UHRF2: variants seen among roughly 807,000 people sequenced by gnomAD.
UHRF2 encodes E3 ubiquitin-protein ligase UHRF2.
Under a neutral mutation model 96.8 loss-of-function variants are expected in UHRF2, and 23 were observed. That is an observed-to-expected ratio of 0.24 (90% confidence interval 0.17 to 0.34). The LOEUF (loss-of-function observed/expected upper bound fraction) is 0.34. UHRF2 is among the 10% of genes least tolerant of loss of function. The pLI, the probability that UHRF2 is intolerant of heterozygous loss-of-function variation, is 1.00. For missense variants in UHRF2, 685 were observed against 981.5 expected (o/e 0.70, Z 4.04); for synonymous variants, 385 against 332.6 (o/e 1.16, Z -1.72).
intron 6 of UHRF2, among the ~76,000 whole-genome samples, chr9:6,481,316 T>C (rs1486040910): frequency 3.9e-5 from 6 of 152,212 alleles, no homozygotes; most frequent in Admixed American, 3.3e-4. Flanking sequence ...GCTACTTTTG[T>C]TTTAATGACA....
chr9:6,462,294 C>T (rs925327368), intron 4 of UHRF2, among the ~76,000 whole-genome samples: 1 of 46,638 alleles, frequency 2.1e-5, no homozygotes, highest in East Asian at 6.1e-4. Flanking sequence ...TCTGGCTCTT[C>T]GTGGGAAAAG....
intron 6 of UHRF2, among the ~76,000 whole-genome samples, chr9:6,478,142 G>A (rs565753751): frequency 6.6e-6 from 1 of 152,296 alleles, no homozygotes; most frequent in African/African-American, 2.4e-5. Context: ...TTCTCCAGCA[G>A]TATCTCTTAC....
chr9:6,455,483 G>A (rs562610435), intron 3 of UHRF2, among the ~76,000 whole-genome samples: 1 of 152,150 alleles, frequency 6.6e-6, no homozygotes, highest in Non-Finnish European at 1.5e-5. Context: ...CTTTTTTATG[G>A]CTGCATAATA....
chr9:6,506,915 A>G lies in UHRF2; in HGVS notation c.*736A>G, dbSNP rs1322377834. 5.9e-5 allele frequency: 9 copies of G among 152,636 alleles called. No homozygotes were observed. The highest frequency in any genetic ancestry group is 5.2e-4 in the Admixed American group (8 of 15,280). The allele number at this position is 152,636 out of a possible 1,614,324, so 9.5% of individuals were successfully genotyped here. ...GTCGAACTGCTTTTAGTGTCTCACC[A>G]GTGGTTTTACATCTGCAGAGTTTTG... On this transcript the variant is annotated 3_prime_UTR_variant, in exon 16 of 16. Transcript: ENST00000276893.
chr9:6,502,149 A>G (rs747059626), intron 14 of UHRF2, among the ~76,000 whole-genome samples: 64 of 152,306 alleles, frequency 4.2e-4, no homozygotes, highest in Middle Eastern at 3.4e-3. Flanking sequence ...AAATAAATAC[A>G]TATGTGTATA....
chr9:6,426,523 G>C (rs1223591236), intron 2 of UHRF2, among the ~76,000 whole-genome samples: 2 of 152,128 alleles, frequency 1.3e-5, no homozygotes, highest in African/African-American at 2.4e-5. Context: ...CTTTTTGGGG[G>C]ATGAACCTTA....
intron 4 of UHRF2, among the ~76,000 whole-genome samples, chr9:6,473,562 G>C (rs1823379322): frequency 6.6e-6 from 1 of 152,112 alleles, no homozygotes; most frequent in Non-Finnish European, 1.5e-5. Context: ...TAAATAAATA[G>C]GTACTTCCTG....
At chr9:6,478,545 C>G (rs1345305387) in intron 6 of UHRF2, among the ~76,000 whole-genome samples, 9 of 152,134 alleles carry the variant, frequency 5.9e-5, no homozygotes, top group Non-Finnish European at 2.9e-5. Context: ...GTGGTGATAA[C>G]TACAAAAAGA....
At chr9:6,456,320 C>T (rs564766951) in intron 3 of UHRF2, among the ~76,000 whole-genome samples, 5 of 152,102 alleles carry the variant, frequency 3.3e-5, no homozygotes, top group South Asian at 2.1e-4. Context: ...GTTTGTTGGC[C>T]GCATAAATGT....
At chr9:6,504,558 A>G (rs1358427775) in intron 14 of UHRF2, 35 bp from the exon 15 acceptor site, 12 of 1,503,122 alleles carry the variant, frequency 8.0e-6, no homozygotes, top group South Asian at 2.3e-5. Context: ...ATGAACTGCT[A>G]ACTTTTCTTT....
intron 3 of UHRF2, among the ~76,000 whole-genome samples, chr9:6,434,620 G>C (rs1253729643): frequency 6.6e-6 from 1 of 151,880 alleles, no homozygotes; most frequent in Non-Finnish European, 1.5e-5. Context: ...TGTATTTTTA[G>C]TAGAGATGGG....
In UHRF2 at chr9:6,503,138, G is replaced by A. The variant is rs180898993; in HGVS notation, c.2164-1455G>A. Among the ~76,000 whole-genome samples, 379 of 152,208 alleles carry A rather than the reference G, an allele frequency of 2.5e-3. 3 individuals carry two copies. The highest frequency in any genetic ancestry group is 8.6e-3 in the African/African-American group (359 of 41,522). The stretch of plus-strand genomic sequence containing the variant: ...GCCTCCCAAGTAGCTGGGATTGCAG[G>A]CACCCGCCACCACGCCCGGCTAATT... On this transcript the variant is annotated intron_variant, in intron 14 of 15. Transcript: ENST00000276893.
chr9:6,463,471 ATT>A (rs774722072), intron 4 of UHRF2, among the ~76,000 whole-genome samples: 4 of 144,958 alleles, frequency 2.8e-5, no homozygotes, highest in Non-Finnish European at 1.5e-5. Flanking sequence ...TATGGATAGA[ATT>A]TTTTTTTTTT....
intron 3 of UHRF2, among the ~76,000 whole-genome samples, chr9:6,443,771 A>G (rs1821328945): frequency 6.6e-6 from 1 of 152,366 alleles, no homozygotes; most frequent in East Asian, 1.9e-4. Context: ...TTGAAATCAA[A>G]TGAAATGTTA....
chr9:6,436,764 G>A (rs1820872248), intron 3 of UHRF2, among the ~76,000 whole-genome samples: 1 of 152,102 alleles, frequency 6.6e-6, no homozygotes, highest in Admixed American at 6.6e-5. Context: ...CATATATTTG[G>A]CAACTTTTTT....
chr9:6,436,914 C>CT (rs1480439524), intron 3 of UHRF2, among the ~76,000 whole-genome samples: 1 of 152,132 alleles, frequency 6.6e-6, no homozygotes, highest in Non-Finnish European at 1.5e-5. Context: ...GATAGCTGAA[C>CT]TTTCTTTGAA....
chr9:6,429,192 C>A (rs76402967), intron 2 of UHRF2, among the ~76,000 whole-genome samples: 3,128 of 151,624 alleles, frequency 0.021, 54 homozygotes, highest in Non-Finnish European at 0.03. Flanking sequence ...GAAGATGGTA[C>A]AATGAGAGAA....
chr9:6,471,614 G>A (rs1823243757), intron 4 of UHRF2, among the ~76,000 whole-genome samples: 1 of 152,158 alleles, frequency 6.6e-6, no homozygotes. Flanking sequence ...CCTGAGTAGA[G>A]CCTTTAAATG....
At chr9:6,452,785 G>C (rs1213495936) in intron 3 of UHRF2, among the ~76,000 whole-genome samples, 2 of 152,176 alleles carry the variant, frequency 1.3e-5, no homozygotes, top group African/African-American at 4.8e-5. Flanking sequence ...CTTTGCATTT[G>C]AGGTGCTTCT....
Sources: allele counts gnomAD v4.1 joint callset (sites outside exome capture counted in the v4.1 genomes callset), GRCh38; gene constraint gnomAD v4.1.1; transcripts MANE v1.5; gene names NCBI Gene and HGNC (gene_info 2026-07-23, HGNC 2026-07-21).